PCGF5: variants seen among roughly 807,000 people sequenced by gnomAD.
PCGF5 encodes the protein polycomb group RING finger protein 5.
In PCGF5, 9 loss-of-function variants were observed where a neutral mutation model predicts 44.3. The observed-to-expected ratio is 0.20, with a 90% confidence interval of 0.12 to 0.35. The LOEUF (loss-of-function observed/expected upper bound fraction) is 0.35, where lower values mean the gene tolerates loss of function less well. Among genes scored for constraint, PCGF5 ranks in the 10% least tolerant of loss-of-function variants. The pLI is 1.00. For missense variants in PCGF5, 146 were observed against 305.3 expected (o/e 0.48, Z 3.89); for synonymous variants, 95 against 102.5 (o/e 0.93, Z 0.44).
At chr10:91,191,205 A>G (rs1417867427) in intron 1 of PCGF5, among the ~76,000 whole-genome samples, 1 of 152,254 alleles carries the variant, frequency 6.6e-6, no homozygotes, top group African/African-American at 2.4e-5. Flanking sequence ...ATAAAATAGA[A>G]CTGGTATAAC....
intron 7 of PCGF5, among the ~76,000 whole-genome samples, chr10:91,263,055 C>T (rs1406600391): frequency 6.6e-6 from 1 of 152,140 alleles, no homozygotes; most frequent in East Asian, 1.9e-4. Flanking sequence ...ACGCTGACAC[C>T]TCCTTATGTA....
chr10:91,226,136 G>T (rs569699348), intron 2 of PCGF5, among the ~76,000 whole-genome samples: 1 of 152,034 alleles, frequency 6.6e-6, no homozygotes, highest in South Asian at 2.1e-4. Context: ...AGGTTTTATG[G>T]AGACTCATAA....
intron 4 of PCGF5, 48 bp from the exon 5 acceptor site, chr10:91,248,617 A>T: frequency 6.3e-7 from 1 of 1,599,502 alleles, no homozygotes; most frequent in Non-Finnish European, 8.6e-7. Context: ...CAACACTTCT[A>T]TTAAAGATTT....
At chr10:91,262,489 C>A (rs1442921082) in intron 7 of PCGF5, among the ~76,000 whole-genome samples, 1 of 152,008 alleles carries the variant, frequency 6.6e-6, no homozygotes, top group African/African-American at 2.4e-5. Context: ...ACAAAGACAT[C>A]AAAGAAAAGG....
At chr10:91,192,491 A>T (rs755063023) in intron 1 of PCGF5, among the ~76,000 whole-genome samples, 23 of 152,348 alleles carry the variant, frequency 1.5e-4, no homozygotes, top group African/African-American at 5.3e-4. Flanking sequence ...GTCAATTAAG[A>T]ATCTTTATTC....
intron 2 of PCGF5, among the ~76,000 whole-genome samples, chr10:91,239,042 A>T (rs7078976): frequency 0.039 from 5,968 of 152,142 alleles, 376 homozygotes; most frequent in African/African-American, 0.13. Context: ...TCACCAACTT[A>T]GGGGTCGCTA....
At chr10:91,218,078 T>A (rs1471943415), upstream of PCGF5, among the ~76,000 whole-genome samples, 3 of 152,214 alleles carry the variant, frequency 2.0e-5, no homozygotes, top group African/African-American at 7.2e-5. Context: ...TGAGCCACCG[T>A]GCGCAGCCCT....
At chr10:91,176,251 T>A (rs1200101159) in intron 1 of PCGF5, among the ~76,000 whole-genome samples, 1 of 152,234 alleles carries the variant, frequency 6.6e-6, no homozygotes, top group Non-Finnish European at 1.5e-5. Context: ...CACTCTCTTC[T>A]GGCTTGTAGA....
chr10:91,188,486 A>T (rs2133207221), intron 1 of PCGF5, among the ~76,000 whole-genome samples: 1 of 152,382 alleles, frequency 6.6e-6, no homozygotes, highest in African/African-American at 2.4e-5. Context: ...TAGGAACAAT[A>T]AACTTTAAAA....
chr10:91,175,871 C>T (rs1171319711), intron 1 of PCGF5, among the ~76,000 whole-genome samples: 5 of 152,044 alleles, frequency 3.3e-5, no homozygotes, highest in Non-Finnish European at 7.4e-5. Context: ...TCCAGTTTGC[C>T]AGTCTGTGTC....
intron 8 of PCGF5, among the ~76,000 whole-genome samples, chr10:91,269,211 C>G (rs886418276): frequency 1.3e-5 from 2 of 152,188 alleles, no homozygotes; most frequent in Admixed American, 1.3e-4. Context: ...TACTGACTTT[C>G]CCTGTAGTTT....
chr10:91,229,729 G>T (rs1844948649), intron 2 of PCGF5, among the ~76,000 whole-genome samples: 1 of 151,790 alleles, frequency 6.6e-6, no homozygotes. Context: ...TGAATGAATA[G>T]CCATTTTAAT....
At chr10:91,251,480 A>G (rs1845622642) in intron 6 of PCGF5, 40 bp downstream of exon 6, 1 of 1,565,540 alleles carries the variant, frequency 6.4e-7, no homozygotes. Flanking sequence ...TGATCAGTTT[A>G]TAGTAAACCC....
chr10:91,179,616 T>C (rs1248755029), intron 1 of PCGF5, among the ~76,000 whole-genome samples: 1 of 152,226 alleles, frequency 6.6e-6, no homozygotes, highest in Non-Finnish European at 1.5e-5. Context: ...ATTCTGTTCC[T>C]GTGTTAGTTT....
chr10:91,250,959 TATATATTCTGTCCACTTTCTAAC>T (rs1845609070), intron 5 of PCGF5, among the ~76,000 whole-genome samples: 1 of 151,846 alleles, frequency 6.6e-6, no homozygotes, highest in Non-Finnish European at 1.5e-5. Flanking sequence ...GAAGTATTTT[TATATATTCTGTCCACTTTCTAAC>T]ATAGTCTAAT....
chr10:91,234,358 G>A (rs34328644), intron 2 of PCGF5, among the ~76,000 whole-genome samples: 10,349 of 152,242 alleles, frequency 0.068, 449 homozygotes, highest in African/African-American at 0.11. Flanking sequence ...TAATAGAAAA[G>A]CATTGGTCAA....
chr10:91,283,058 A>G lies in PCGF5; in HGVS notation c.*4742A>G, dbSNP rs570510419. 6.6e-5 allele frequency: 10 copies of G among 152,324 alleles called. No individual in the cohort carries two copies. The South Asian group carries it at 1.9e-3, about 28-fold the overall frequency. The allele number at this position is 152,324 out of a possible 1,614,324, so 9.4% of individuals were successfully genotyped here. On this transcript the variant is annotated 3_prime_UTR_variant, in exon 10 of 10. Coordinates refer to ENST00000336126, the MANE Select transcript of PCGF5 (RefSeq NM_032373.5). ...ATTTACCTGACAAACCTAGTTGAGT[A>G]GCATTTTGACAGAAAATATCAGACT...
Position 91,260,965 on chromosome 10 carries a change from T to C in PCGF5, c.475-361T>C, listed in dbSNP as rs182913829. On this transcript the variant is annotated intron_variant, in intron 6 of 9. Transcript: ENST00000336126. ...CCTAAAACTTAAAGCATAATAATAA[T>C]AATAATAATAAAAGCTTAAATAATA... is the stretch of plus-strand genomic sequence containing the variant. 2.2e-3 allele frequency among the ~76,000 whole-genome samples: 338 copies of C among 151,768 alleles called. 4 individuals carry two copies. Among genetic ancestry groups the C allele is most frequent in the Middle Eastern group, 3.4e-3 (1 of 292 alleles).
chr10:91,171,633 G>A (rs764101478), intron 1 of PCGF5, among the ~76,000 whole-genome samples: 1 of 152,150 alleles, frequency 6.6e-6, no homozygotes. Context: ...TGGGAGAATA[G>A]CAGGGAATAT....
Sources: allele counts gnomAD v4.1 joint callset (sites outside exome capture counted in the v4.1 genomes callset), GRCh38; gene constraint gnomAD v4.1.1; transcripts MANE v1.5; gene names NCBI Gene and HGNC (gene_info 2026-07-23, HGNC 2026-07-21).